The following RNLS variants were observed in gnomAD, a reference collection of about 807,000 sequenced individuals.
The protein encoded by RNLS is renalase, FAD dependent amine oxidase.
Under a neutral mutation model 39.8 loss-of-function variants are expected in RNLS, and 39 were observed. The observed-to-expected ratio is 0.98, with a 90% CI of 0.76 to 1.28. The LOEUF is 1.28. Ranked by LOEUF, RNLS falls within the 50% of genes most tolerant of loss-of-function variation. The pLI, the probability that RNLS is intolerant of heterozygous loss-of-function variation, is 0.00. For synonymous variants in RNLS, 147 were observed against 150.7 expected, an observed-to-expected ratio of 0.98 and a Z score of 0.18; for missense variants, 410 against 413.3, an observed-to-expected ratio of 0.99 and a Z score of 0.07.
chr10:88,246,053 C>T, the RNLS span, among the ~76,000 whole-genome samples: 9 of 152,200 alleles, frequency 5.9e-5, no homozygotes, highest in African/African-American at 2.2e-4. Context: ...TAAGCTAAAA[C>T]ATCACAGAGC....
intron 4 of RNLS, among the ~76,000 whole-genome samples, chr10:88,458,710 CAAG>C (rs1842770890): frequency 6.6e-6 from 1 of 151,986 alleles, no homozygotes; most frequent in Non-Finnish European, 1.5e-5. Context: ...CAAAGGTTCA[CAAG>C]AAGAATAGTA....
chr10:88,555,059 T>C (rs1358338549), intron 4 of RNLS, among the ~76,000 whole-genome samples: 2 of 152,110 alleles, frequency 1.3e-5, no homozygotes, highest in East Asian at 1.9e-4. Context: ...ATGTAAGGCA[T>C]AGATATATAT....
chr10:88,519,461 A>T (rs1445618048), intron 4 of RNLS, among the ~76,000 whole-genome samples: 1 of 151,026 alleles, frequency 6.6e-6, no homozygotes, highest in Non-Finnish European at 1.5e-5. Flanking sequence ...TCTCTTAAAA[A>T]TGTCAAATAT....
At chr10:88,249,329 C>A in the RNLS span, among the ~76,000 whole-genome samples, 1 of 152,186 alleles carries the variant, frequency 6.6e-6, no homozygotes, top group Non-Finnish European at 1.5e-5. Context: ...GCATTACCTG[C>A]CGTTGCTAAT....
chr10:88,176,517 G>A, the RNLS span, among the ~76,000 whole-genome samples: 5 of 152,198 alleles, frequency 3.3e-5, no homozygotes, highest in African/African-American at 1.2e-4. Context: ...TACATTCAAG[G>A]TTCTTATTGA....
chr10:88,373,100 C>G (rs1177376901), intron 4 of RNLS, among the ~76,000 whole-genome samples: 1 of 152,118 alleles, frequency 6.6e-6, no homozygotes, highest in Admixed American at 6.6e-5. Context: ...GCAATATAGT[C>G]ATTCTAAAAT....
At chr10:88,187,996 A>G in the RNLS span, among the ~76,000 whole-genome samples, 1 of 152,300 alleles carries the variant, frequency 6.6e-6, no homozygotes, top group African/African-American at 2.4e-5. Flanking sequence ...TGGTCCTGAA[A>G]TGTTGGTGTG....
At chr10:88,538,180 A>G (rs759718873) in intron 4 of RNLS, among the ~76,000 whole-genome samples, 12 of 152,168 alleles carry the variant, frequency 7.9e-5, no homozygotes, top group Non-Finnish European at 1.3e-4. Context: ...GAATGAAAGC[A>G]ATCTTTCTTT....
intron 4 of RNLS, among the ~76,000 whole-genome samples, chr10:88,535,199 G>A (rs1466285828): frequency 6.6e-6 from 1 of 152,088 alleles, no homozygotes; most frequent in African/African-American, 2.4e-5. Flanking sequence ...CTTACTGTAA[G>A]TATTGTTATT....
At chr10:88,288,985 G>A (rs1242781091) in intron 6 of RNLS, among the ~76,000 whole-genome samples, 1 of 152,162 alleles carries the variant, frequency 6.6e-6, no homozygotes, top group African/African-American at 2.4e-5. Context: ...ACAGCTCAAT[G>A]ACTGTGTTTA....
chr10:88,439,887 GGCAGAT>G (rs1841616006), intron 4 of RNLS, among the ~76,000 whole-genome samples: 1 of 152,074 alleles, frequency 6.6e-6, no homozygotes, highest in South Asian at 2.1e-4. Context: ...CCAGATCCAG[GGCAGAT>G]GTCATTTCCT....
downstream of RNLS, among the ~76,000 whole-genome samples, chr10:88,268,962 C>T (rs563922936): frequency 8.5e-5 from 13 of 152,262 alleles, no homozygotes; most frequent in African/African-American, 1.4e-4. Context: ...CCAGGCCACA[C>T]GGACTGAGGG....
At chr10:88,416,661 T>G (rs899714265) in intron 4 of RNLS, among the ~76,000 whole-genome samples, 12 of 152,218 alleles carry the variant, frequency 7.9e-5, no homozygotes, top group African/African-American at 2.9e-4. Context: ...GCATATGCCA[T>G]TTTTGTACTT....
the RNLS span, among the ~76,000 whole-genome samples, chr10:88,202,618 G>A: frequency 6.6e-6 from 1 of 152,166 alleles, no homozygotes; most frequent in African/African-American, 2.4e-5. Flanking sequence ...TTCAAACGTA[G>A]AGAGGGCACA....
At chr10:88,298,600 C>T (rs1466019945) in intron 6 of RNLS, among the ~76,000 whole-genome samples, 2 of 152,132 alleles carry the variant, frequency 1.3e-5, no homozygotes, top group African/African-American at 2.4e-5. Context: ...ATTCTTTCTC[C>T]ATTGAATGTT....
chr10:88,308,159 C>G (rs1366559508), intron 6 of RNLS, among the ~76,000 whole-genome samples: 1 of 152,092 alleles, frequency 6.6e-6, no homozygotes, highest in African/African-American at 2.4e-5. Context: ...GTGAAAAACC[C>G]AACGCTATAA....
chr10:88,391,473 G>C (rs1852195442), intron 4 of RNLS, among the ~76,000 whole-genome samples: 1 of 152,134 alleles, frequency 6.6e-6, no homozygotes, highest in Admixed American at 6.6e-5. Flanking sequence ...CAGGAGAATT[G>C]CTTGAACCCA....
chr10:88,547,285 A>C (rs1425806789), intron 4 of RNLS, among the ~76,000 whole-genome samples: 1 of 152,206 alleles, frequency 6.6e-6, no homozygotes, highest in Non-Finnish European at 1.5e-5. Flanking sequence ...TCAAAGTGGA[A>C]ACATGTGTGC....
chr10:88,175,923 T>G, the RNLS span, among the ~76,000 whole-genome samples: 4 of 152,250 alleles, frequency 2.6e-5, no homozygotes, highest in Non-Finnish European at 4.4e-5. Flanking sequence ...TGCTCTGGTG[T>G]TGTGTGCACA....
Sources: allele counts gnomAD v4.1 joint callset (sites outside exome capture counted in the v4.1 genomes callset), GRCh38; gene constraint gnomAD v4.1.1; transcripts MANE v1.5; gene names NCBI Gene and HGNC (gene_info 2026-07-23, HGNC 2026-07-21).